MIS12: variants seen among roughly 807,000 people sequenced by gnomAD.
MIS12 encodes protein MIS12 homolog.
A neutral mutation model predicts 16.5 loss-of-function variants in MIS12; 13 were observed. That is an observed-to-expected ratio of 0.79 (90% CI 0.51 to 1.25). The LOEUF (loss-of-function observed/expected upper bound fraction) is 1.25. Ranked by LOEUF, MIS12 falls within the 50% of genes most tolerant of loss-of-function variation. The pLI, the probability that MIS12 is intolerant of heterozygous loss-of-function variation, is 0.00. For missense variants in MIS12, 199 were observed against 239.5 expected, an observed-to-expected ratio of 0.83 and a Z score of 1.12; for synonymous variants, 97 against 87.3, an observed-to-expected ratio of 1.11 and a Z score of -0.62.
rs1906640127 is a variant in MIS12 at position 5,489,665 on chromosome 17, T to C, written c.*185T>C. On this transcript the variant is annotated 3_prime_UTR_variant, in exon 3 of 3. Coordinates refer to ENST00000611091, the MANE Select transcript of MIS12 (RefSeq NM_001258217.2). ...TTTTTTGGTCCACTTTGCTGAGGTA[T>C]GAAGTGTACTACTTTGAACTAGGCT... 1.6e-6 allele frequency: 1 copy of C among 642,138 alleles called. No individual in the cohort carries two copies. The allele number at this position is 642,138 out of a possible 1,614,324, so 39.8% of individuals were successfully genotyped here.
rs1906628668 is a variant in MIS12, at chr17:5,489,538, A to G, written c.*58A>G. On this transcript the variant is annotated 3_prime_UTR_variant, in exon 3 of 3. Coordinates refer to ENST00000611091, the MANE Select transcript of MIS12 (RefSeq NM_001258217.2). ...AAAGTAGAATCATAAGGACTGTTCA[A>G]ACCATAAGGACTGTTCAAATCATAC... 6.6e-7 allele frequency: 1 copy of G among 1,513,156 alleles called. No individual in the cohort carries two copies. The highest frequency in any genetic ancestry group is 2.3e-5 in the East Asian group (1 of 44,160). 93.7% of individuals were successfully genotyped at this position (1,513,156 alleles called of 1,614,324 possible). A position where few individuals can be genotyped will look rare whatever the true frequency, so the allele number is the denominator to read the frequency against.
Position 5,489,528 on chromosome 17 carries a change from G to A in MIS12, c.*48G>A. The A allele has an allele frequency of 2.0e-6, 3 of 1,533,942 alleles. No homozygotes were observed. The highest frequency in any genetic ancestry group is 2.6e-6 in the Non-Finnish European group (3 of 1,146,182). On this transcript the variant is annotated 3_prime_UTR_variant, in exon 3 of 3. Coordinates refer to ENST00000611091, the MANE Select transcript of MIS12 (RefSeq NM_001258217.2). ...AGCCTGTCAAAAAGTAGAATCATAA[G>A]GACTGTTCAAACCATAAGGACTGTT...
Position 5,488,938 on chromosome 17 carries a change from A to G in MIS12, c.76A>G (p.Ile26Val), listed in dbSNP as rs368693374. The change falls in exon 3 of 3, where the codon ATT (isoleucine) becomes GTT (valine). Residue 26 changes from isoleucine to valine, a missense_variant. Ile to Val is a conservative substitution (Grantham distance 29). Coordinates refer to ENST00000611091, the MANE Select transcript of MIS12 (RefSeq NM_001258217.2). ...ACAAACGTGCATGCTTCGGATCTAC[A>G]TTGCATTTCAAGACTACCTATTTGA... Reference protein sequence around the residue: ...TPQTCMLRIYIAFQDYLFEVM... With the variant: ...TPQTCMLRIYVAFQDYLFEVM... 1.7e-5 allele frequency: 28 copies of G among 1,614,112 alleles called. No homozygotes were observed. The highest frequency in any genetic ancestry group is 2.2e-5 in the East Asian group (1 of 44,898).
chr17:5,489,559 C>A lies in MIS12; in HGVS notation c.*79C>A. 7.1e-7 allele frequency: 1 copy of A among 1,412,464 alleles called. No homozygotes were observed. The highest frequency in any genetic ancestry group is 9.5e-7 in the Non-Finnish European group (1 of 1,048,866). The allele number at this position is 1,412,464 out of a possible 1,614,324, so 87.5% of individuals were successfully genotyped here. On this transcript the variant is annotated 3_prime_UTR_variant, in exon 3 of 3. Transcript: ENST00000611091. ...TTCAAACCATAAGGACTGTTCAAATCATACCAGTGACTGTTCAAACCAACC... is the reference window on the plus strand; with the variant it reads ...TTCAAACCATAAGGACTGTTCAAATAATACCAGTGACTGTTCAAACCAACC...
intron 1 of MIS12, 95 bp downstream of exon 1, chr17:5,486,779 T>G (rs1345479325): frequency 6.6e-6 from 1 of 152,400 alleles, no homozygotes; most frequent in African/African-American, 2.4e-5. Flanking sequence ...GGCCTGTGGG[T>G]CGGCCTCACC....
In MIS12 at chr17:5,488,870, T is replaced by C; in HGVS notation, c.8T>C (p.Val3Ala). 6.2e-7 allele frequency: 1 copy of C among 1,610,402 alleles called. No homozygotes were observed. The highest frequency in any genetic ancestry group is 1.7e-4 in the Middle Eastern group (1 of 6,050). MS[V>A]DPMTYEAQFF... ...ATAGCAAAATAAGCCAAGATGTCTG[T>C]GGATCCAATGACCTACGAGGCCCAG... is the stretch of plus-strand genomic sequence containing the variant. The change falls in exon 3 of 3, where the codon GTG (valine) becomes GCG (alanine). Residue 3 changes from valine (V) to alanine (A), a missense_variant. Coordinates refer to ENST00000611091, the MANE Select transcript of MIS12 (RefSeq NM_001258217.2).
intron 2 of MIS12, 114 bp from the exon 3 acceptor site, chr17:5,488,709 A>G: frequency 1.2e-6 from 1 of 840,738 alleles, no homozygotes; most frequent in South Asian, 1.9e-5. Flanking sequence ...AAGGAACACA[A>G]ACTCCTTATT....
intron 1 of MIS12, chr17:5,487,440 GA>G (rs1438335090): frequency 3.3e-5 from 5 of 151,878 alleles, no homozygotes; most frequent in Non-Finnish European, 7.4e-5. Context: ...TGTCTCAAAA[GA>G]AAAAAAGAAA....
rs1445126235 is a variant in MIS12 at position 5,490,089 on chromosome 17, T to C, written c.*609T>C. ...TATTGTCCAGGCTGAGTGGCTCTTT[T>C]ATTAACCAGTCATTACACTGCGGAA... is the stretch of plus-strand genomic sequence containing the variant. On this transcript the variant is annotated 3_prime_UTR_variant, in exon 3 of 3. Transcript: ENST00000611091. 1 of 167,114 alleles carries C rather than the reference T, an allele frequency of 6.0e-6. No homozygotes were observed. The highest frequency in any genetic ancestry group is 1.5e-5 in the Non-Finnish European group (1 of 68,158). The allele number at this position is 167,114 out of a possible 1,614,324, so 10.4% of individuals were successfully genotyped here.
Position 5,489,320 on chromosome 17 carries a change from A to G in MIS12, c.458A>G (p.Lys153Arg), listed in dbSNP as rs1298793723. The change falls in exon 3 of 3, where the codon AAA (lysine) becomes AGA (arginine). Residue 153 changes from lysine to arginine, a missense_variant. Physicochemically the swap from Lys to Arg is conservative, Grantham distance 26. Coordinates refer to ENST00000611091, the MANE Select transcript of MIS12 (RefSeq NM_001258217.2). ...CAAAAAATTGTTCAGGCCAAACTCA[A>G]ACAGACGTTGACTTTCTTTGATGAG... ...EEQKIVQAKL[K>R]QTLTFFDELH... The G allele has an allele frequency of 2.5e-6, 4 of 1,613,938 alleles. No homozygotes were observed. The highest frequency in any genetic ancestry group is 1.1e-5 in the South Asian group (1 of 91,076).
chr17:5,488,779 G>C (rs1050334758), intron 2 of MIS12, 44 bp from the exon 3 acceptor site: 194 of 1,439,092 alleles, frequency 1.3e-4, no homozygotes, highest in Non-Finnish European at 8.5e-5. Context: ...TCCTGCAGAA[G>C]ATTTTTTTTT....
Position 5,489,639 on chromosome 17 carries a change from CTT to C in MIS12, c.*164_*165del. On this transcript the variant is annotated 3_prime_UTR_variant, in exon 3 of 3. Coordinates refer to ENST00000611091, the MANE Select transcript of MIS12 (RefSeq NM_001258217.2). ...TCTTTCTTGTATTCTGTGTTTTCCT[CTT>C]TTTTGGTCCACTTTGCTGAGGTATG... is the stretch of plus-strand genomic sequence containing the variant. 2.3e-6 allele frequency: 2 copies of C among 871,030 alleles called. No homozygotes were observed. Among genetic ancestry groups the C allele is most frequent in the Non-Finnish European group, 3.4e-6 (2 of 588,660 alleles). 54.0% of individuals were successfully genotyped at this position (871,030 alleles called of 1,614,324 possible). A position where few individuals can be genotyped will look rare whatever the true frequency, so the allele number is the denominator to read the frequency against.
upstream of MIS12, chr17:5,486,527 G>C (rs1488052593): frequency 5.5e-6 from 1 of 181,282 alleles, no homozygotes; most frequent in East Asian, 1.5e-4. Flanking sequence ...TCAGGAACGC[G>C]AGAGTATCCC....
chr17:5,487,134 C>T (rs969431365), intron 1 of MIS12: 5 of 152,174 alleles, frequency 3.3e-5, no homozygotes, highest in African/African-American at 9.7e-5. Flanking sequence ...TGAGATGGCG[C>T]CCACCTGTAA....
In MIS12 at chr17:5,489,322, C is replaced by A; in HGVS notation, c.460C>A (p.Gln154Lys). 2 of 1,614,036 alleles carry A rather than the reference C, an allele frequency of 1.2e-6. No individual in the cohort carries two copies. Among genetic ancestry groups the A allele is most frequent in the Non-Finnish European group, 1.7e-6 (2 of 1,180,036 alleles). ...EQKIVQAKLK[Q>K]TLTFFDELHN... ...AAAAATTGTTCAGGCCAAACTCAAACAGACGTTGACTTTCTTTGATGAGCT... is the reference window on the plus strand; with the variant it reads ...AAAAATTGTTCAGGCCAAACTCAAAAAGACGTTGACTTTCTTTGATGAGCT... The change falls in exon 3 of 3, where the codon CAG becomes AAG. Residue 154 changes from glutamine (Q) to lysine (K), a missense_variant. Coordinates refer to ENST00000611091, the MANE Select transcript of MIS12 (RefSeq NM_001258217.2).
At position 5,490,477 on chromosome 17, in the gene MIS12, A is replaced by C. The variant is rs942826142; in HGVS notation, c.*997A>C. The C allele has an allele frequency of 6.0e-6, 1 of 166,686 alleles. No homozygotes were observed. The highest frequency in any genetic ancestry group is 2.4e-5 in the African/African-American group (1 of 41,228). 10.3% of individuals were successfully genotyped at this position (166,686 alleles called of 1,614,324 possible). On this transcript the variant is annotated 3_prime_UTR_variant, in exon 3 of 3. Coordinates refer to ENST00000611091, the MANE Select transcript of MIS12 (RefSeq NM_001258217.2). ...TTATACCTAATATTTATTTATTCAC[A>C]CTCATAAGCATCAAATATTTAATGC... is the stretch of plus-strand genomic sequence containing the variant.
Position 5,489,513 on chromosome 17 carries a change from A to G in MIS12, c.*33A>G, listed in dbSNP as rs761609496. On this transcript the variant is annotated 3_prime_UTR_variant, in exon 3 of 3. Coordinates refer to ENST00000611091, the MANE Select transcript of MIS12 (RefSeq NM_001258217.2). ...GTAGTCAAAAGGAGGAGCCTGTCAAAAAGTAGAATCATAAGGACTGTTCAA... is the reference window on the plus strand; with the variant it reads ...GTAGTCAAAAGGAGGAGCCTGTCAAGAAGTAGAATCATAAGGACTGTTCAA... 3 of 1,547,632 alleles carry G rather than the reference A, an allele frequency of 1.9e-6. No individual in the cohort carries two copies. In the Admixed American group the frequency reaches 6.4e-5, roughly 33 times the overall value.
At chr17:5,488,740 G>C in intron 2 of MIS12, 83 bp from the exon 3 acceptor site, 1 of 1,074,718 alleles carries the variant, frequency 9.3e-7, no homozygotes, top group Admixed American at 2.7e-5. Flanking sequence ...TTGCTTCTTT[G>C]TTTGCTATCT....
rs929261 is a variant in MIS12, at chr17:5,488,841, C to T, written c.-22C>T. On this transcript the variant is annotated 5_prime_UTR_variant, in exon 3 of 3. Transcript: ENST00000611091. ...TTTGCAGGTTTTTCACGACTGAAAA[C>T]AACATAGCAAAATAAGCCAAGATGT... 411,521 of 1,587,352 alleles carry T rather than the reference C, an allele frequency of 0.26. 57,403 individuals carry two copies. The highest frequency in any genetic ancestry group is 0.54 in the African/African-American group (39,503 of 73,720).
Sources: allele counts gnomAD v4.1 joint callset, GRCh38; gene constraint gnomAD v4.1.1; transcripts MANE v1.5; gene names NCBI Gene and HGNC (gene_info 2026-07-23, HGNC 2026-07-21).